Variants in KIF2A observed in about 807,000 individuals in gnomAD.
KIF2A encodes kinesin-like protein KIF2A.
KIF2A carries 22 observed loss-of-function variants against 100.2 expected under a neutral mutation model. The observed-to-expected ratio is 0.22, with a 90% CI of 0.16 to 0.31. The LOEUF (loss-of-function observed/expected upper bound fraction) is 0.31. KIF2A is among the 10% of genes least tolerant of loss of function. KIF2A has a pLI of 1.00. For synonymous variants in KIF2A, 268 were observed against 285.9 expected, an observed-to-expected ratio of 0.94 and a Z score of 0.63; for missense variants, 495 against 898.7, an observed-to-expected ratio of 0.55 and a Z score of 5.74.
Position 62,351,059 on chromosome 5 carries a change from C to G in KIF2A, c.334+939C>G, listed in dbSNP as rs140004806. 5.3e-3 allele frequency among the ~76,000 whole-genome samples: 799 copies of G among 151,950 alleles called. 8 individuals carry two copies. Among genetic ancestry groups the G allele is most frequent in the African/African-American group, 0.018 (752 of 41,416 alleles). ...CCAGCCTGGCCAACATGATGAAACT[C>G]CATCTCTACTAAAAATACAAAAACT... On this transcript the variant is annotated intron_variant, in intron 4 of 20. Coordinates refer to ENST00000407818, the MANE Select transcript of KIF2A (RefSeq NM_001098511.3).
At chr5:62,361,120 G>T in intron 9 of KIF2A, 122 bp from the exon 10 acceptor site, 1 of 503,118 alleles carries the variant, frequency 2.0e-6, no homozygotes, top group South Asian at 4.7e-5. Context: ...TTTTAACAAA[G>T]ATTTGTTTAG....
At chr5:62,381,775 G>C (rs1188929201) in intron 20 of KIF2A, among the ~76,000 whole-genome samples, 2 of 152,180 alleles carry the variant, frequency 1.3e-5, no homozygotes, top group Non-Finnish European at 2.9e-5. Flanking sequence ...TGTTGCTCAG[G>C]CTGTCTCAAA....
intron 1 of KIF2A, chr5:62,307,260 T>C (rs1745348063): frequency 6.6e-6 from 1 of 151,580 alleles, no homozygotes; most frequent in African/African-American, 2.4e-5. Context: ...ATGGGCAGAG[T>C]CAATGCGAGG....
intron 16 of KIF2A, among the ~76,000 whole-genome samples, chr5:62,367,818 A>T (rs1016199688): frequency 7.9e-5 from 12 of 152,168 alleles, no homozygotes; most frequent in Middle Eastern, 3.4e-3. Flanking sequence ...CTTATTTTGA[A>T]TGACTGTTTA....
At chr5:62,349,749 C>T (rs930356010) in intron 3 of KIF2A, among the ~76,000 whole-genome samples, 1 of 152,158 alleles carries the variant, frequency 6.6e-6, no homozygotes, top group African/African-American at 2.4e-5. Flanking sequence ...TACTTAACCT[C>T]TCTTTGTTTC....
chr5:62,350,330 T>C (rs1184708675), intron 4 of KIF2A, among the ~76,000 whole-genome samples: 1 of 151,976 alleles, frequency 6.6e-6, no homozygotes, highest in Non-Finnish European at 1.5e-5. Flanking sequence ...CAGTCTAGAG[T>C]ACATTGGCAT....
In KIF2A at chr5:62,366,547, A is replaced by G. The variant is rs1378317554; in HGVS notation, c.1646+66A>G. 4.0e-6 allele frequency: 4 copies of G among 996,940 alleles called. No individual in the cohort carries two copies. The African/African-American group carries it at 6.5e-5, about 16-fold the overall frequency. The allele number at this position is 996,940 out of a possible 1,614,324, so 61.8% of individuals were successfully genotyped here. The stretch of plus-strand genomic sequence containing the variant: ...ACAGCAGTACATAGTATAATTTAAT[A>G]TCTGCCTCGTGCGGTGGCTCACGCC... On this transcript the variant is annotated intron_variant, in intron 16 of 20. Coordinates refer to ENST00000407818, the MANE Select transcript of KIF2A (RefSeq NM_001098511.3).
Position 62,358,186 on chromosome 5 carries a change from T to G in KIF2A, c.759T>G (p.Val253=), listed in dbSNP as rs772229025. 1 of 1,594,850 alleles carries G rather than the reference T, an allele frequency of 6.3e-7. No individual in the cohort carries two copies. Among genetic ancestry groups the G allele is most frequent in the Non-Finnish European group, 8.5e-7 (1 of 1,173,752 alleles). Residue 253 remains valine, a synonymous_variant, in exon 9 of 21, where the codon GTT becomes GTG. Coordinates refer to ENST00000407818, the MANE Select transcript of KIF2A (RefSeq NM_001098511.3). ...TAATCACAATTCCTAGTAAAGATGTTGTGATGGTACATGAACCAAAACAAA... is the reference window on the plus strand; with the variant it reads ...TAATCACAATTCCTAGTAAAGATGTGGTGATGGTACATGAACCAAAACAAA... ...LDVITIPSKD[V]VMVHEPKQKV... is the part of the protein sequence containing the mutation.
intron 1 of KIF2A, among the ~76,000 whole-genome samples, chr5:62,313,628 C>T (rs1451196612): frequency 2.6e-5 from 4 of 152,152 alleles, no homozygotes; most frequent in Non-Finnish European, 5.9e-5. Flanking sequence ...GCTGGGATTA[C>T]AGGCTTGAGC....
Position 62,353,393 on chromosome 5 carries a change from A to G in KIF2A, c.558+18A>G, listed in dbSNP as rs770886614. On this transcript the variant is annotated intron_variant, in intron 6 of 20. Transcript: ENST00000407818. The stretch of plus-strand genomic sequence containing the variant: ...GAGCCCAGGTTCGTAACATAAACAT[A>G]TATTTTGTTTATGTACCAACCAGAG... 2.0e-5 allele frequency: 27 copies of G among 1,362,504 alleles called. No individual in the cohort carries two copies. The Admixed American group carries it at 2.3e-4, about 12-fold the overall frequency. 84.4% of individuals were successfully genotyped at this position (1,362,504 alleles called of 1,614,324 possible).
intron 1 of KIF2A, among the ~76,000 whole-genome samples, chr5:62,316,184 C>T (rs949884486): frequency 6.6e-6 from 1 of 152,162 alleles, no homozygotes; most frequent in South Asian, 2.1e-4. Flanking sequence ...ACATGTTTAC[C>T]TGCAATGGGA....
At position 62,352,224 on chromosome 5, in the gene KIF2A, A is replaced by G. The variant is rs945971756; in HGVS notation, c.335-364A>G. Among the ~76,000 whole-genome samples the G allele has an allele frequency of 2.6e-5, 4 of 151,916 alleles. No homozygotes were observed. The East Asian group carries it at 5.8e-4, about 22-fold the overall frequency. On this transcript the variant is annotated intron_variant, in intron 4 of 20. Transcript: ENST00000407818. ...TTTCTTTGCAGTTTAAAGTTTTAAG[A>G]CGTGGAGCGGTTTATATATACATAT...
At chr5:62,380,886 G>A (rs1741746408) in intron 19 of KIF2A, among the ~76,000 whole-genome samples, 1 of 152,044 alleles carries the variant, frequency 6.6e-6, no homozygotes, top group Non-Finnish European at 1.5e-5. Context: ...CATACTCAGC[G>A]TAACTTACAT....
intron 1 of KIF2A, chr5:62,307,033 T>TG (rs1745328945): frequency 6.9e-6 from 1 of 145,264 alleles, no homozygotes. Context: ...GAGGCCGAGA[T>TG]GGGGGGAAAG....
chr5:62,308,610 C>G (rs1554037979), intron 1 of KIF2A: 1 of 699,116 alleles, frequency 1.4e-6, no homozygotes, highest in Non-Finnish European at 2.6e-6. Flanking sequence ...AAAAGGAGAT[C>G]CTACTGTTTA....
At chr5:62,350,970 C>T (rs552651962) in intron 4 of KIF2A, among the ~76,000 whole-genome samples, 12 of 151,366 alleles carry the variant, frequency 7.9e-5, no homozygotes, top group Admixed American at 2.0e-4. Flanking sequence ...GGTGGCTCAC[C>T]CCTGAAATCC....
intron 1 of KIF2A, among the ~76,000 whole-genome samples, chr5:62,335,844 A>C (rs1387666352): frequency 2.0e-5 from 3 of 152,242 alleles, no homozygotes; most frequent in African/African-American, 7.2e-5. Context: ...GATTGAAACA[A>C]AATGGAAGAC....
chr5:62,340,588 T>TC (rs11391006), intron 1 of KIF2A, among the ~76,000 whole-genome samples: 37,307 of 152,016 alleles, frequency 0.25, 4,675 homozygotes, highest in Middle Eastern at 0.3. Context: ...CTCATTGTTC[T>TC]CCCCCTAGTG....
chr5:62,319,890 T>C (rs1382618954), intron 1 of KIF2A, among the ~76,000 whole-genome samples: 2 of 152,178 alleles, frequency 1.3e-5, no homozygotes, highest in Non-Finnish European at 2.9e-5. Flanking sequence ...TATATATGTA[T>C]GTATGTATGT....
Sources: gnomAD v4.1 joint callset for allele counts (sites outside exome capture counted in the v4.1 genomes callset) on GRCh38, gnomAD v4.1.1 for gene constraint, MANE v1.5 for transcripts, NCBI Gene and HGNC (gene_info 2026-07-23, HGNC 2026-07-21) for gene names.